PTCHD1: variants seen among roughly 807,000 people sequenced by gnomAD.
PTCHD1 encodes the protein patched domain containing 1.
A neutral mutation model predicts 34.6 loss-of-function variants in PTCHD1; 3 were observed. That is an observed-to-expected ratio of 0.09 (90% CI 0.04 to 0.22). The LOEUF (loss-of-function observed/expected upper bound fraction) is 0.22, where lower values mean the gene tolerates loss of function less well. Ranked by LOEUF, PTCHD1 falls within the 10% of genes least tolerant of loss-of-function variation. The probability of loss-of-function intolerance (pLI) is 1.00; values close to 1 mark genes in which losing one functional copy is unlikely to be tolerated. For missense variants in PTCHD1, 504 were observed against 685.5 expected, an observed-to-expected ratio of 0.74 and a Z score of 2.96; for synonymous variants, 305 against 283.1, an observed-to-expected ratio of 1.08 and a Z score of -0.77.
At chrX:23,379,235 G>A (rs975840195) in intron 1 of PTCHD1, among the ~76,000 whole-genome samples, 2 of 112,275 alleles carry the variant, frequency 1.8e-5, no homozygotes, top group Admixed American at 1.9e-4. Flanking sequence ...AAAGAATACT[G>A]GTACTTTAAT....
intron 1 of PTCHD1, among the ~76,000 whole-genome samples, chrX:23,357,257 T>C (rs1921832789): frequency 8.9e-6 from 1 of 111,767 alleles, no homozygotes; most frequent in South Asian, 3.8e-4. Context: ...GAAAAGAAGA[T>C]AGCCACAGGG....
At chrX:23,384,857 T>A (rs1301758692) in intron 2 of PTCHD1, among the ~76,000 whole-genome samples, 4 of 111,763 alleles carry the variant, frequency 3.6e-5, no homozygotes, top group Non-Finnish European at 7.5e-5. Flanking sequence ...TATCTGGTCA[T>A]TTTTGAGCTA....
At chrX:23,371,598 T>C (rs986503040) in intron 1 of PTCHD1, among the ~76,000 whole-genome samples, 1 of 111,201 alleles carries the variant, frequency 9.0e-6, no homozygotes, top group African/African-American at 3.3e-5. Context: ...ATAGATATGA[T>C]ATGTGCACTG....
chrX:23,358,566 A>G (rs1021742922), intron 1 of PTCHD1, among the ~76,000 whole-genome samples: 1 of 111,513 alleles, frequency 9.0e-6, no homozygotes, highest in Middle Eastern at 4.2e-3. Context: ...CAGATGGGTA[A>G]ATTGCAAAAA....
intron 2 of PTCHD1, among the ~76,000 whole-genome samples, chrX:23,387,230 A>G (rs1331073484): frequency 2.7e-5 from 3 of 111,972 alleles, no homozygotes; most frequent in Non-Finnish European, 5.6e-5. Context: ...CTACTGGGTA[A>G]AGAAAGGTTA....
intron 1 of PTCHD1, among the ~76,000 whole-genome samples, chrX:23,370,434 G>C (rs1292920705): frequency 8.9e-6 from 1 of 112,140 alleles, no homozygotes; most frequent in African/African-American, 3.2e-5. Context: ...GGAGGGCAGT[G>C]GCTGAAATGC....
In PTCHD1 at chrX:23,334,869, C is replaced by T. The variant is rs1418119176; in HGVS notation, c.-7C>T. 1.6e-5 allele frequency: 19 copies of T among 1,182,442 alleles called. No individual in the cohort carries two copies. Among genetic ancestry groups the T allele is most frequent in the Non-Finnish European group, 2.0e-5 (18 of 879,697 alleles). The stretch of plus-strand genomic sequence containing the variant: ...TCGCCCTCCTCCCGCGCCCGCTCTG[C>T]TCTAGGATGCTGCGGCAGGTTCTGC... On this transcript the variant is annotated 5_prime_UTR_variant, in exon 1 of 3. Transcript: ENST00000379361.
chrX:23,350,926 C>T, intron 1 of PTCHD1: 1 of 176,546 alleles, frequency 5.7e-6, no homozygotes, highest in East Asian at 1.1e-4. Flanking sequence ...GTAGAGGATG[C>T]AGCAGTGAAG....
chrX:23,377,070 C>T (rs1862210487), intron 1 of PTCHD1, among the ~76,000 whole-genome samples: 1 of 112,164 alleles, frequency 8.9e-6, no homozygotes, highest in South Asian at 3.8e-4. Flanking sequence ...CAACTCCCCA[C>T]CCAGAAGGGC....
intron 2 of PTCHD1, among the ~76,000 whole-genome samples, chrX:23,392,079 T>C (rs1273866442): frequency 1.2e-5 from 1 of 83,538 alleles, no homozygotes; most frequent in African/African-American, 5.1e-5. Context: ...TCTTTCTTTT[T>C]TTTTTTTTTT....
rs777622193 is a variant in PTCHD1, at chrX:23,339,095, A to C, written c.351+3869A>C. Among the ~76,000 whole-genome samples, 3 of 111,821 alleles carry C rather than the reference A, an allele frequency of 2.7e-5. No individual in the cohort carries two copies. The South Asian group carries it at 1.1e-3, about 43-fold the overall frequency. On this transcript the variant is annotated intron_variant, in intron 1 of 2. Transcript: ENST00000379361. Reference sequence around the variant, plus strand: ...TTGACTGAACTTTAGTGCCTTACACACTCCCTGGCACATAATAGCTACTCA... The same window carrying C: ...TTGACTGAACTTTAGTGCCTTACACCCTCCCTGGCACATAATAGCTACTCA...
chrX:23,356,992 A>G (rs976787275), intron 1 of PTCHD1, among the ~76,000 whole-genome samples: 5 of 111,895 alleles, frequency 4.5e-5, no homozygotes, highest in African/African-American at 1.6e-4. Flanking sequence ...GATGCTGGGG[A>G]AGCTAATGCT....
In PTCHD1 at chrX:23,355,820, C is replaced by A. The variant is rs1265261085; in HGVS notation, c.351+20594C>A. On this transcript the variant is annotated intron_variant, in intron 1 of 2. Coordinates refer to ENST00000379361, the MANE Select transcript of PTCHD1 (RefSeq NM_173495.3). ...TTTTAAATATTTAAATATTCTCATT[C>A]CAATGTGCTAGCCATTTTACAAATG... 4.5e-5 allele frequency among the ~76,000 whole-genome samples: 5 copies of A among 112,359 alleles called. No homozygotes were observed. The East Asian group carries it at 1.4e-3, about 31-fold the overall frequency.
chrX:23,386,618 A>G (rs951345780), intron 2 of PTCHD1, among the ~76,000 whole-genome samples: 2 of 112,519 alleles, frequency 1.8e-5, no homozygotes, highest in African/African-American at 6.5e-5. Context: ...AAACACAAAA[A>G]TCATGAATTT....
intron 1 of PTCHD1, among the ~76,000 whole-genome samples, chrX:23,348,292 A>G (rs2146614493): frequency 9.1e-6 from 1 of 109,938 alleles, no homozygotes; most frequent in African/African-American, 3.3e-5. Flanking sequence ...ACCCAAACGG[A>G]ACATCTAAAA....
At chrX:23,345,043 T>C (rs1354253649) in intron 1 of PTCHD1, among the ~76,000 whole-genome samples, 1 of 112,068 alleles carries the variant, frequency 8.9e-6, no homozygotes, top group Non-Finnish European at 1.9e-5. Context: ...AAGTGATAAT[T>C]GTAAAGTCCT....
At chrX:23,351,176 C>T in intron 1 of PTCHD1, 1 of 665,691 alleles carries the variant, frequency 1.5e-6, no homozygotes, top group Non-Finnish European at 2.4e-6. Context: ...GTCCAAACTC[C>T]ATCTGTTGCT....
At position 23,403,889 on chromosome X, in the gene PTCHD1, A is replaced by G. The variant is rs1330125743; in HGVS notation, c.*9704A>G. On this transcript the variant is annotated 3_prime_UTR_variant, in exon 3 of 3. Coordinates refer to ENST00000379361, the MANE Select transcript of PTCHD1 (RefSeq NM_173495.3). ...ATAAAAAACGGCCAACTCTTTCAGGAAAAAAAAAATCCGGTATTTTGTACT... is the reference window on the plus strand; with the variant it reads ...ATAAAAAACGGCCAACTCTTTCAGGGAAAAAAAAATCCGGTATTTTGTACT... 1.8e-5 allele frequency: 2 copies of G among 109,689 alleles called. No individual in the cohort carries two copies. The highest frequency in any genetic ancestry group is 3.8e-5 in the Non-Finnish European group (2 of 52,276). The allele number at this position is 109,689 out of a possible 1,213,427, so 9.0% of individuals were successfully genotyped here. A position where few individuals can be genotyped will look rare whatever the true frequency, so the allele number is the denominator to read the frequency against.
chrX:23,343,233 T>C (rs762859486), intron 1 of PTCHD1, among the ~76,000 whole-genome samples: 1 of 112,816 alleles, frequency 8.9e-6, no homozygotes, highest in South Asian at 3.7e-4. Context: ...TGATAAGCAA[T>C]AAGCATCCAT....
Sources: allele counts gnomAD v4.1 joint callset (sites outside exome capture counted in the v4.1 genomes callset), GRCh38; gene constraint gnomAD v4.1.1; transcripts MANE v1.5; gene names NCBI Gene and HGNC (gene_info 2026-07-23, HGNC 2026-07-21).